Variants in DNMT3A observed in about 807,000 individuals in gnomAD.
DNMT3A encodes the protein DNA methyltransferase 3 alpha, also known as DNA (cytosine-5)-methyltransferase 3A.
In DNMT3A, 267 loss-of-function variants were observed where a neutral mutation model predicts 117.6. That is an observed-to-expected ratio of 2.27 (90% CI 2.05 to 2.51). The LOEUF (loss-of-function observed/expected upper bound fraction) is 2.51, where lower values mean the gene tolerates loss of function less well. Ranked by LOEUF, DNMT3A falls within the 30% of genes most tolerant of loss-of-function variation. The pLI, the probability that DNMT3A is intolerant of heterozygous loss-of-function variation, is 0.00. For missense variants in DNMT3A, 1,029 were observed against 1,260.2 expected (o/e 0.82, Z 2.78); for synonymous variants, 432 against 474.8 (o/e 0.91, Z 1.17).
rs773260349 is a variant in DNMT3A at position 25,246,270 on chromosome 2, C to T, written c.1319G>A (p.Trp440Ter). The T allele has an allele frequency of 3.7e-6, 6 of 1,613,742 alleles. No homozygotes were observed. Among genetic ancestry groups the T allele is most frequent in the Non-Finnish European group, 4.2e-6 (5 of 1,179,844 alleles). The change falls in exon 11 of 23, where the codon TGG becomes TAG. Residue 440 changes from tryptophan (W) to a stop codon, truncating the protein, a stop_gained. Coordinates refer to ENST00000321117, the MANE Select transcript of DNMT3A (RefSeq NM_022552.5). LOFTEE classifies it high-confidence loss of function. ...GTAGGCAGCTGCCTCAGGTTCCACC[C>T]ACATGTCCGTGTACACTTCTTTGTA... ...NPYKEVYTDM[W>*]VEPEAAAYAP...
intron 1 of DNMT3A, among the ~76,000 whole-genome samples, chr2:25,315,846 T>A (rs890114125): frequency 2.6e-5 from 4 of 152,128 alleles, no homozygotes; most frequent in African/African-American, 9.7e-5. Flanking sequence ...CAAGCCTCAC[T>A]CCCCATTTGT....
intron 1 of DNMT3A, among the ~76,000 whole-genome samples, chr2:25,331,678 C>T (rs1359510851): frequency 6.6e-6 from 1 of 152,216 alleles, no homozygotes; most frequent in African/African-American, 2.4e-5. Context: ...CAAAATCTTC[C>T]TTCAAACATC....
intron 6 of DNMT3A, among the ~76,000 whole-genome samples, chr2:25,251,061 G>A (rs1675469691): frequency 6.6e-6 from 1 of 151,334 alleles, no homozygotes; most frequent in African/African-American, 2.4e-5. Flanking sequence ...CAGCCCACTT[G>A]GTGCAGAACA....
chr2:25,275,348 T>C lies in DNMT3A; in HGVS notation c.492+152A>G, dbSNP rs542806275. The C allele has an allele frequency of 7.0e-4, 873 of 1,254,640 alleles. 1 individual carries two copies. Among genetic ancestry groups the C allele is most frequent in the Non-Finnish European group, 9.3e-4 (838 of 904,180 alleles). 77.7% of individuals were successfully genotyped at this position (1,254,640 alleles called of 1,614,324 possible). A position where few individuals can be genotyped will look rare whatever the true frequency, so the allele number is the denominator to read the frequency against. On this transcript the variant is annotated intron_variant, in intron 5 of 22. Coordinates refer to ENST00000321117, the MANE Select transcript of DNMT3A (RefSeq NM_022552.5). The stretch of plus-strand genomic sequence containing the variant: ...TGAGCCGGCTGCCTTGTTGGGGGAC[T>C]TCCAACCTCCACGCCCACTTCCTCT...
At position 25,247,861 on chromosome 2, in the gene DNMT3A, G is replaced by A. The variant is rs1032810093; in HGVS notation, c.856-112C>T. ...ATCTGGGGGGCAGGACAGCCAGGAGGGAGCTCCATCTGAATGAGGCAAGAC... is the reference window on the plus strand; with the variant it reads ...ATCTGGGGGGCAGGACAGCCAGGAGAGAGCTCCATCTGAATGAGGCAAGAC... On this transcript the variant is annotated intron_variant, in intron 7 of 22. Coordinates refer to ENST00000321117, the MANE Select transcript of DNMT3A (RefSeq NM_022552.5). The surrounding 1 kb of genome is among the most constrained non-coding windows in gnomAD (Gnocchi z 5.6). 5.9e-6 allele frequency: 9 copies of A among 1,537,802 alleles called. No homozygotes were observed. The African/African-American group carries it at 8.3e-5, about 14-fold the overall frequency.
At chr2:25,261,045 G>A (rs1028498206) in intron 6 of DNMT3A, among the ~76,000 whole-genome samples, 1 of 152,016 alleles carries the variant, frequency 6.6e-6, no homozygotes, top group Non-Finnish European at 1.5e-5. Context: ...TGTAATTCCA[G>A]CACTTTGGGA....
rs1182838311 is a variant in DNMT3A, at chr2:25,293,819, T to C, written c.177+6320A>G. Among the ~76,000 whole-genome samples the C allele has an allele frequency of 1.3e-5, 2 of 152,174 alleles. No individual in the cohort carries two copies. Among genetic ancestry groups the C allele is most frequent in the African/African-American group, 4.8e-5 (2 of 41,452 alleles). ...TCCTGGGCAGCTGGGACCACAGGTA[T>C]GTGCCACCACATTCGGCTTTTTTCT... On this transcript the variant is annotated intron_variant, in intron 3 of 22. Coordinates refer to ENST00000321117, the MANE Select transcript of DNMT3A (RefSeq NM_022552.5). This position sits in a 1 kb window ranked among gnomAD's most constrained non-coding sequence, Gnocchi z 4.7.
At chr2:25,292,250 T>C (rs551724659) in intron 3 of DNMT3A, among the ~76,000 whole-genome samples, 1 of 151,948 alleles carries the variant, frequency 6.6e-6, no homozygotes, top group Admixed American at 6.5e-5. Flanking sequence ...CTCAGAAAAC[T>C]GAGACAGGAG....
chr2:25,246,363 G>A, intron 10 of DNMT3A, 54 bp from the exon 11 acceptor site: 1 of 1,549,348 alleles, frequency 6.5e-7, no homozygotes, highest in South Asian at 1.2e-5. Context: ...GGAAACTCCA[G>A]CCCCTTCCCC....
intron 2 of DNMT3A, among the ~76,000 whole-genome samples, chr2:25,312,148 C>T (rs1317706951): frequency 1.3e-5 from 2 of 152,152 alleles, no homozygotes; most frequent in East Asian, 1.9e-4. Context: ...TCACCTTATC[C>T]GACAGAGAAA....
At chr2:25,341,782 C>T in intron 1 of DNMT3A, 44 bp downstream of exon 1, 1 of 978,404 alleles carries the variant, frequency 1.0e-6, no homozygotes, top group Non-Finnish European at 1.2e-6. Flanking sequence ...CTCCCCGCCG[C>T]CTCCGGGCCG....
Position 25,327,436 on chromosome 2 carries a change from G to A in DNMT3A, c.-177-13275C>T, listed in dbSNP as rs2034829389. Among the ~76,000 whole-genome samples, 1 of 152,058 alleles carries A rather than the reference G, an allele frequency of 6.6e-6. No individual in the cohort carries two copies. The highest frequency in any genetic ancestry group is 2.1e-4 in the South Asian group (1 of 4,818). On this transcript the variant is annotated intron_variant, in intron 1 of 22. Coordinates refer to ENST00000321117, the MANE Select transcript of DNMT3A (RefSeq NM_022552.5). The surrounding 1 kb of genome is among the most constrained non-coding windows in gnomAD (Gnocchi z 4.1). ...TTTCTTGAGTGCCATTGTGGAGCCG[G>A]GCCCTGGAGTGAAAGGAGACCCCTG... is the stretch of plus-strand genomic sequence containing the variant.
At chr2:25,341,097 G>A (rs2035412711) in intron 1 of DNMT3A, among the ~76,000 whole-genome samples, 1 of 144,374 alleles carries the variant, frequency 6.9e-6, no homozygotes, top group South Asian at 2.1e-4. Context: ...AGCCACAGGT[G>A]GCCGGAGGAG....
In DNMT3A at chr2:25,286,820, C is replaced by A. The variant is rs565131429; in HGVS notation, c.178-4109G>T. On this transcript the variant is annotated intron_variant, in intron 3 of 22. Coordinates refer to ENST00000321117, the MANE Select transcript of DNMT3A (RefSeq NM_022552.5). This position sits in a 1 kb window ranked among gnomAD's most constrained non-coding sequence, Gnocchi z 4.3. ...CTGGAAGCCCAGGAGGGAGGGGCACCCCAGCCAGGCCTGGCCTCTTCTGCC... is the reference window on the plus strand; with the variant it reads ...CTGGAAGCCCAGGAGGGAGGGGCACACCAGCCAGGCCTGGCCTCTTCTGCC... Among the ~76,000 whole-genome samples the A allele has an allele frequency of 2.3e-4, 35 of 152,292 alleles. No homozygotes were observed. The East Asian group carries it at 6.6e-3, about 29-fold the overall frequency.
At chr2:25,259,128 G>C (rs1676399939) in intron 6 of DNMT3A, among the ~76,000 whole-genome samples, 1 of 152,224 alleles carries the variant, frequency 6.6e-6, no homozygotes, top group Admixed American at 6.5e-5. Context: ...GCGCCATCAG[G>C]CTCTGGAGCT....
chr2:25,297,949 G>C (rs1305994304), intron 3 of DNMT3A, among the ~76,000 whole-genome samples: 1 of 152,254 alleles, frequency 6.6e-6, no homozygotes, highest in Non-Finnish European at 1.5e-5. Context: ...CACATGCTGG[G>C]AAGCATTAAA....
intron 1 of DNMT3A, among the ~76,000 whole-genome samples, chr2:25,326,101 G>GATAT (rs1171930581): frequency 9.1e-6 from 1 of 110,244 alleles, no homozygotes; most frequent in African/African-American, 3.8e-5. Flanking sequence ...CTATTAACTT[G>GATAT]ATATATATGT....
At chr2:25,262,672 A>G (rs1676714526) in intron 6 of DNMT3A, among the ~76,000 whole-genome samples, 1 of 152,138 alleles carries the variant, frequency 6.6e-6, no homozygotes, top group South Asian at 2.1e-4. Context: ...GGGAATACTT[A>G]TTGTCCTGCC....
chr2:25,339,113 CCTT>C lies in DNMT3A; in HGVS notation c.-178+2710_-178+2712del, dbSNP rs1389359080. On this transcript the variant is annotated intron_variant, in intron 1 of 22. Transcript: ENST00000321117. The surrounding 1 kb of genome is among the most constrained non-coding windows in gnomAD (Gnocchi z 4.9). The stretch of plus-strand genomic sequence containing the variant: ...GGGCGCCCTGATCTCTCTCATATCT[CCTT>C]CTCCTTGGAAGCCTTCCCCTATTAC... Among the ~76,000 whole-genome samples the C allele has an allele frequency of 5.3e-5, 8 of 152,012 alleles. No individual in the cohort carries two copies. The highest frequency in any genetic ancestry group is 2.6e-4 in the Admixed American group (4 of 15,256).
Sources: gnomAD v4.1 joint callset for allele counts (sites outside exome capture counted in the v4.1 genomes callset) on GRCh38, gnomAD v4.1.1 for gene constraint, Gnocchi (gnomAD v3.1) non-coding constraint, MANE v1.5 for transcripts, NCBI Gene and HGNC (gene_info 2026-07-23, HGNC 2026-07-21) for gene names.